The following ADAMTS5 variants were observed in gnomAD, a reference collection of about 807,000 sequenced individuals.
ADAMTS5 encodes the protein A disintegrin and metalloproteinase with thrombospondin motifs 5.
ADAMTS5 carries 54 observed loss-of-function variants against 81.4 expected under a neutral mutation model. That is an observed-to-expected ratio of 0.66 (90% CI 0.53 to 0.83). The LOEUF (loss-of-function observed/expected upper bound fraction) is 0.83. ADAMTS5 is among the 40% of genes least tolerant of loss of function. The pLI, the probability that ADAMTS5 is intolerant of heterozygous loss-of-function variation, is 0.00. For synonymous variants in ADAMTS5, 532 were observed against 508.8 expected (o/e 1.05, Z -0.61); for missense variants, 1,194 against 1,229.9 (o/e 0.97, Z 0.44).
intron 1 of ADAMTS5, among the ~76,000 whole-genome samples, chr21:26,958,707 A>G (rs1987472220): frequency 6.6e-6 from 1 of 152,224 alleles, no homozygotes; most frequent in South Asian, 2.1e-4. Context: ...TGTGGTAAAT[A>G]GATGAAATAA....
intron 5 of ADAMTS5, 147 bp downstream of exon 5, chr21:26,932,714 C>CAAAA (rs2123173602): frequency 2.6e-6 from 2 of 765,242 alleles, no homozygotes; most frequent in Non-Finnish European, 1.9e-6. Context: ...AAAAAACAAA[C>CAAAA]ACATAGGTGT....
intron 1 of ADAMTS5, among the ~76,000 whole-genome samples, chr21:26,958,807 C>T (rs1237446383): frequency 6.6e-6 from 1 of 152,160 alleles, no homozygotes; most frequent in Non-Finnish European, 1.5e-5. Context: ...CCATTATGAA[C>T]AGATTGTTCA....
chr21:26,933,820 G>C (rs2123175025), intron 4 of ADAMTS5, among the ~76,000 whole-genome samples: 1 of 152,298 alleles, frequency 6.6e-6, no homozygotes, highest in East Asian at 1.9e-4. Flanking sequence ...GTGATGCCCT[G>C]GAAAGATACA....
chr21:26,964,641 G>T (rs1987601120), intron 1 of ADAMTS5, among the ~76,000 whole-genome samples: 1 of 152,184 alleles, frequency 6.6e-6, no homozygotes, highest in South Asian at 2.1e-4. Flanking sequence ...CCTCTCATCT[G>T]ATTGGGTCTC....
chr21:26,919,213 C>T lies in ADAMTS5; in HGVS notation c.*4840G>A, dbSNP rs1170994702. ...AGTGGAAAAAAATTAAAAAGCATGCCCTGTTTTTTATTTGTTTTTTTTTTT... is the reference window on the plus strand; with the variant it reads ...AGTGGAAAAAAATTAAAAAGCATGCTCTGTTTTTTATTTGTTTTTTTTTTT... On this transcript the variant is annotated 3_prime_UTR_variant, in exon 8 of 8. Transcript: ENST00000284987. 1 of 150,692 alleles carries T rather than the reference C, an allele frequency of 6.6e-6. No individual in the cohort carries two copies. Among genetic ancestry groups the T allele is most frequent in the African/African-American group, 2.5e-5 (1 of 40,810 alleles). 9.3% of individuals were successfully genotyped at this position (150,692 alleles called of 1,614,324 possible).
intron 4 of ADAMTS5, among the ~76,000 whole-genome samples, chr21:26,933,293 C>T (rs1401440340): frequency 6.6e-6 from 1 of 152,172 alleles, no homozygotes; most frequent in Admixed American, 6.5e-5. Context: ...ACTGAGCACA[C>T]CACAAAGATT....
intron 1 of ADAMTS5, among the ~76,000 whole-genome samples, chr21:26,959,733 A>G (rs1987493136): frequency 6.6e-6 from 1 of 152,200 alleles, no homozygotes; most frequent in South Asian, 2.1e-4. Flanking sequence ...AACTGGTGAC[A>G]TCATTAACTC....
chr21:26,946,094 C>T (rs1413453451), intron 2 of ADAMTS5, among the ~76,000 whole-genome samples: 1 of 152,154 alleles, frequency 6.6e-6, no homozygotes, highest in African/African-American at 2.4e-5. Context: ...TAACAGGCAG[C>T]CAGTTCCAGA....
chr21:26,932,419 C>T (rs779273560), intron 5 of ADAMTS5, among the ~76,000 whole-genome samples: 40 of 152,026 alleles, frequency 2.6e-4, no homozygotes, highest in Non-Finnish European at 4.6e-4. Context: ...TGTGGCTGGG[C>T]GTGGTGCCTC....
At chr21:26,939,184 A>C (rs162489) in intron 3 of ADAMTS5, among the ~76,000 whole-genome samples, 23,436 of 152,140 alleles carry the variant, frequency 0.15, 2,716 homozygotes, top group African/African-American at 0.32. Context: ...ACTTCAAAAA[A>C]CCAGACAATT....
chr21:26,928,144 C>A (rs1191114069), intron 7 of ADAMTS5, among the ~76,000 whole-genome samples: 2 of 152,120 alleles, frequency 1.3e-5, no homozygotes, highest in Non-Finnish European at 2.9e-5. Context: ...ACCAGTATTT[C>A]CACTTTACTT....
intron 1 of ADAMTS5, among the ~76,000 whole-genome samples, chr21:26,956,045 C>T (rs778317194): frequency 7.2e-5 from 11 of 152,156 alleles, no homozygotes; most frequent in Non-Finnish European, 1.6e-4. Flanking sequence ...TTGTGACCTA[C>T]AGTCAGATAC....
At chr21:26,949,376 T>A (rs1987277616) in intron 2 of ADAMTS5, among the ~76,000 whole-genome samples, 1 of 151,854 alleles carries the variant, frequency 6.6e-6, no homozygotes, top group African/African-American at 2.4e-5. Flanking sequence ...ATTTATTACT[T>A]ATTTATTTAT....
intron 4 of ADAMTS5, among the ~76,000 whole-genome samples, chr21:26,933,774 C>A (rs1448802058): frequency 6.6e-6 from 1 of 152,184 alleles, no homozygotes; most frequent in African/African-American, 2.4e-5. Context: ...TTGCCTCTGG[C>A]TGACTGTGTC....
At position 26,966,085 on chromosome 21, in the gene ADAMTS5, C is replaced by G. The variant is rs771549677; in HGVS notation, c.307G>C (p.Glu103Gln). 5.0e-6 allele frequency: 8 copies of G among 1,613,008 alleles called. No homozygotes were observed. The highest frequency in any genetic ancestry group is 5.9e-6 in the Non-Finnish European group (7 of 1,179,796). The change falls in exon 1 of 8, where the codon GAG (glutamate) becomes CAG (glutamine). Residue 103 changes from glutamate to glutamine, a missense_variant. By Grantham distance (29) the Glu-to-Gln change is conservative. Around this residue, in one of 2 missense-constraint regions of ADAMTS5, gnomAD observed 498 missense variants for 412.3 expected, o/e 1.21. Transcript: ENST00000284987. ...AGGRRFLLDLERDGSVGIAGF... is the reference protein window; with the variant it reads ...AGGRRFLLDLQRDGSVGIAGF... ...GCAATGCCCACCGAACCATCTCGCT[C>G]CAGGTCCAAGAGGAACCTCCGGCCG...
chr21:26,923,934 C>T lies in ADAMTS5; in HGVS notation c.*119G>A, dbSNP rs138760524. The T allele has an allele frequency of 5.6e-4, 604 of 1,071,030 alleles. 2 individuals are homozygous for T. The African/African-American group carries it at 7.7e-3, about 14-fold the overall frequency. 66.3% of individuals were successfully genotyped at this position (1,071,030 alleles called of 1,614,324 possible). A position where few individuals can be genotyped will look rare whatever the true frequency, so the allele number is the denominator to read the frequency against. On this transcript the variant is annotated 3_prime_UTR_variant, in exon 8 of 8. Transcript: ENST00000284987. ...AGCAGATTCTGCCCATAATTGGACT[C>T]CTGTTGACAATGTCACTGAAGCATG...
At chr21:26,941,596 T>A (rs1231502866) in intron 3 of ADAMTS5, among the ~76,000 whole-genome samples, 5 of 152,072 alleles carry the variant, frequency 3.3e-5, no homozygotes, top group Non-Finnish European at 7.4e-5. Context: ...TGACCTAATA[T>A]TTGCACAGGG....
At chr21:26,929,035 T>A (rs1358784973) in intron 7 of ADAMTS5, among the ~76,000 whole-genome samples, 1 of 152,236 alleles carries the variant, frequency 6.6e-6, no homozygotes, top group Non-Finnish European at 1.5e-5. Flanking sequence ...TAACTCAGAA[T>A]AAATTTTTCA....
chr21:26,924,673 G>A lies in ADAMTS5; in HGVS notation c.2226-53C>T, dbSNP rs1555847288. 20 of 1,392,956 alleles carry A rather than the reference G, an allele frequency of 1.4e-5. No homozygotes were observed. In the Admixed American group the frequency reaches 2.0e-4, roughly 14 times the overall value. 86.3% of individuals were successfully genotyped at this position (1,392,956 alleles called of 1,614,324 possible). ...GGGGGAAGGTGGTTAAAAAAAGGGA[G>A]AAAAAAATGAGTAAACACTTAACAA... On this transcript the variant is annotated intron_variant, in intron 7 of 7. Coordinates refer to ENST00000284987, the MANE Select transcript of ADAMTS5 (RefSeq NM_007038.5).
Sources: gnomAD v4.1 joint callset for allele counts (sites outside exome capture counted in the v4.1 genomes callset) on GRCh38, gnomAD v4.1.1 for gene constraint, gnomAD v4.1.1 regional missense constraint, MANE v1.5 for transcripts, NCBI Gene and HGNC (gene_info 2026-07-23, HGNC 2026-07-21) for gene names.